The following KRT27 variants were observed in gnomAD, a reference collection of about 807,000 sequenced individuals.
KRT27 encodes the protein keratin 27.
A neutral mutation model predicts 45.3 loss-of-function variants in KRT27; 30 were observed. The observed-to-expected ratio is 0.66, with a 90% CI of 0.50 to 0.90. The LOEUF (loss-of-function observed/expected upper bound fraction) is 0.90. Ranked by LOEUF, KRT27 falls within the 40% of genes least tolerant of loss-of-function variation. The pLI, the probability that KRT27 is intolerant of heterozygous loss-of-function variation, is 0.00. For synonymous variants in KRT27, 204 were observed against 223.9 expected (o/e 0.91, Z 0.79); for missense variants, 610 against 564.3 (o/e 1.08, Z -0.82).
At position 40,780,395 on chromosome 17, in the gene KRT27, C is replaced by A. The variant is rs759558400; in HGVS notation, c.589G>T (p.Val197Phe). 3.7e-6 allele frequency: 6 copies of A among 1,613,914 alleles called. No homozygotes were observed. The Admixed American group carries it at 1.0e-4, about 27-fold the overall frequency. The change falls in exon 3 of 8, where the codon GTC becomes TTC. Residue 197 changes from valine to phenylalanine, a missense_variant. Val to Phe is a conservative substitution (Grantham distance 50). Coordinates refer to ENST00000301656, the MANE Select transcript of KRT27 (RefSeq NM_181537.4). ...CTGCACAAGGTCAGCTCATCCAGGA[C>A]TCTTCGCAAACCATTGATGTCCGCC... ...VEADINGLRRVLDELTLCRTD... is the reference protein window; with the variant it reads ...VEADINGLRRFLDELTLCRTD...
At position 40,782,429 on chromosome 17, in the gene KRT27, CT is replaced by C; in HGVS notation, c.64del (p.Arg22GlyfsTer65). ...AAAGCCTGCTCCCCCACTAGAGAGC[CT>C]CACAGAGCCAGTGCCCCCGCAAGAG... ...LGSCGGTGSV[R>X]LSSGGAGFGA... On this transcript the variant is annotated frameshift_variant, in exon 1 of 8. Transcript: ENST00000301656. LOFTEE classifies it high-confidence loss of function. 6.2e-7 allele frequency: 1 copy of C among 1,611,198 alleles called. No homozygotes were observed. Among genetic ancestry groups the C allele is most frequent in the Non-Finnish European group, 8.5e-7 (1 of 1,178,658 alleles).
rs779267418 is a variant in KRT27 at position 40,779,790 on chromosome 17, G to A, written c.756C>T (p.Asp252=). The A allele has an allele frequency of 6.2e-7, 1 of 1,614,264 alleles. No homozygotes were observed. Among genetic ancestry groups the A allele is most frequent in the South Asian group, 1.1e-5 (1 of 91,084 alleles). ...GCATATTGTTCAGCAGAACCGTGAG[G>A]TCTACCCCGGGGGCCGCGTTCATCT... ...NVEMNAAPGV[D]LTVLLNNMRA... is the part of the protein sequence containing the mutation. The change falls in exon 4 of 8, where the codon GAC becomes GAT. Residue 252 remains aspartate, a synonymous_variant. Transcript: ENST00000301656.
rs758899487 is a variant in KRT27, at chr17:40,777,762, A to T, written c.973-30T>A. 6 of 1,606,302 alleles carry T rather than the reference A, an allele frequency of 3.7e-6. No individual in the cohort carries two copies. The African/African-American group carries it at 6.7e-5, about 18-fold the overall frequency. ...AGTTTGGTAAGACATGGTTTAATAG[A>T]AAAGGTCACGGTGTTTTAGAATAAG... is the stretch of plus-strand genomic sequence containing the variant. On this transcript the variant is annotated intron_variant, in intron 5 of 7. Coordinates refer to ENST00000301656, the MANE Select transcript of KRT27 (RefSeq NM_181537.4).
chr17:40,781,167 T>C (rs1446292558), intron 2 of KRT27, 21 bp downstream of exon 2: 1 of 1,539,516 alleles, frequency 6.5e-7, no homozygotes, highest in Non-Finnish European at 8.9e-7. Flanking sequence ...TTTTTTCCCA[T>C]TTATCTTCAG....
chr17:40,778,568 G>A (rs1454970979), intron 5 of KRT27, among the ~76,000 whole-genome samples: 2 of 152,252 alleles, frequency 1.3e-5, no homozygotes, highest in African/African-American at 2.4e-5. Flanking sequence ...ATAATGACAT[G>A]AGTTATAACG....
Position 40,782,167 on chromosome 17 carries a change from G to A in KRT27, c.327C>T (p.Asn109=), listed in dbSNP as rs370850502. Residue 109 remains asparagine, a synonymous_variant, in exon 1 of 8, where the codon AAC becomes AAT. Transcript: ENST00000301656. ...CCTTGATCTTCTGCTCCAAGTCAGC[G>A]TTGGCCTCCTCTAGGGCTCGAACAT... ...LENVRALEEA[N]ADLEQKIKGW... The A allele has an allele frequency of 2.1e-5, 34 of 1,614,052 alleles. No homozygotes were observed. Among genetic ancestry groups the A allele is most frequent in the African/African-American group, 4.0e-5 (3 of 74,926 alleles).
At position 40,779,572 on chromosome 17, in the gene KRT27, C is replaced by G. The variant is rs768406219; in HGVS notation, c.902G>C (p.Arg301Pro). Reference protein sequence around the residue: ...SDDAGATTSARNELIEMKRTL... With the variant: ...SDDAGATTSAPNELIEMKRTL... ...GCGTTTCATCTCGATAAGCTCATTC[C>G]GGGCTGAGGTGGTGGCGCCAGCGTC... The change falls in exon 5 of 8, where the codon CGG (arginine) becomes CCG (proline). Residue 301 changes from arginine to proline, a missense_variant. Physicochemically the swap from Arg to Pro is moderately radical, Grantham distance 103 (BLOSUM62 -2). Transcript: ENST00000301656. 17 of 1,614,220 alleles carry G rather than the reference C, an allele frequency of 1.1e-5. No homozygotes were observed. Among genetic ancestry groups the G allele is most frequent in the Non-Finnish European group, 1.4e-5 (16 of 1,180,030 alleles).
rs928363366 is a variant in KRT27, at chr17:40,780,157, C to T, written c.684+143G>A. The T allele has an allele frequency of 4.5e-5, 40 of 894,034 alleles. No homozygotes were observed. In the African/African-American group the frequency reaches 6.0e-4, roughly 14 times the overall value. 55.4% of individuals were successfully genotyped at this position (894,034 alleles called of 1,614,324 possible). On this transcript the variant is annotated intron_variant, in intron 3 of 7. Coordinates refer to ENST00000301656, the MANE Select transcript of KRT27 (RefSeq NM_181537.4). ...TTCTTTTGAGAAGAATGAATAGAAG[C>T]GTCTCAAACAATCTAAGCCTTATGG...
At position 40,780,454 on chromosome 17, in the gene KRT27, A is replaced by T; in HGVS notation, c.530T>A (p.Phe177Tyr). The T allele has an allele frequency of 6.2e-7, 1 of 1,612,694 alleles. No individual in the cohort carries two copies. Residue 177 changes from phenylalanine to tyrosine, a missense_variant and splice_region_variant, in exon 3 of 8, where the codon TTT becomes TAT. Coordinates refer to ENST00000301656, the MANE Select transcript of KRT27 (RefSeq NM_181537.4). ...CTGGTGAAGCGCTAGCTCGTTTTCA[A>T]ACCTTAGAAAAGTATTTGGAAGTTT... is the stretch of plus-strand genomic sequence containing the variant. ...RLTADDFRLK[F>Y]ENELALHQSV...
chr17:40,779,276 G>A (rs1200394294), intron 5 of KRT27, among the ~76,000 whole-genome samples: 1 of 152,030 alleles, frequency 6.6e-6, no homozygotes, highest in African/African-American at 2.4e-5. Flanking sequence ...TCTTTTTCCA[G>A]TATCTTGACT....
intron 2 of KRT27, among the ~76,000 whole-genome samples, chr17:40,780,781 G>A (rs2038304955): frequency 6.6e-6 from 1 of 152,124 alleles, no homozygotes; most frequent in African/African-American, 2.4e-5. Flanking sequence ...CCTAGGAGGC[G>A]GAGCTTGCAG....
rs1353243808 is a variant in KRT27 at position 40,782,499 on chromosome 17, C to T, written c.-6G>A. 6.5e-7 allele frequency: 1 copy of T among 1,536,012 alleles called. No homozygotes were observed. Among genetic ancestry groups the T allele is most frequent in the Non-Finnish European group, 8.8e-7 (1 of 1,141,068 alleles). ...GAAGAAAAGCGCACAGACATGGTGT[C>T]CGGAGGCTGGAGCCTTTGTTTCTGC... On this transcript the variant is annotated 5_prime_UTR_variant, in exon 1 of 8. Coordinates refer to ENST00000301656, the MANE Select transcript of KRT27 (RefSeq NM_181537.4).
rs372317384 is a variant in KRT27, at chr17:40,780,455, A to G, written c.529T>C (p.Phe177Leu). The G allele has an allele frequency of 4.7e-5, 76 of 1,612,464 alleles. No individual in the cohort carries two copies. The highest frequency in any genetic ancestry group is 5.8e-5 in the Non-Finnish European group (68 of 1,179,576). The change falls in exon 3 of 8, where the codon TTT becomes CTT. Residue 177 changes from phenylalanine to leucine, a missense_variant and splice_region_variant. Coordinates refer to ENST00000301656, the MANE Select transcript of KRT27 (RefSeq NM_181537.4). ...RLTADDFRLKFENELALHQSV... is the reference protein window; with the variant it reads ...RLTADDFRLKLENELALHQSV... ...TGGTGAAGCGCTAGCTCGTTTTCAA[A>G]CCTTAGAAAAGTATTTGGAAGTTTC...
rs187951128 is a variant in KRT27 at position 40,780,266 on chromosome 17, G to C, written c.684+34C>G. 316 of 1,561,066 alleles carry C rather than the reference G, an allele frequency of 2.0e-4. No homozygotes were observed. In the African/African-American group the frequency reaches 4.0e-3, roughly 20 times the overall value. ...ATTAGTTTTAAAATTTGGTAGGGAG[G>C]CGATTGTGAGAGCCAGCCGGGTGGA... On this transcript the variant is annotated intron_variant, in intron 3 of 7. Coordinates refer to ENST00000301656, the MANE Select transcript of KRT27 (RefSeq NM_181537.4).
rs766134832 is a variant in KRT27, at chr17:40,777,598, G to C, written c.1107C>G (p.Leu369=). The part of the protein sequence containing the change: ...QVRTETEGQK[L]EYEQLLDIKV... Reference sequence around the variant, plus strand: ...TGATGTCAAGGAGCTGCTCATACTCGAGCTTCTGGCCCTCGGTCTCGGTTC... The same window carrying C: ...TGATGTCAAGGAGCTGCTCATACTCCAGCTTCTGGCCCTCGGTCTCGGTTC... Residue 369 remains leucine, a synonymous_variant, in exon 6 of 8, where the codon CTC becomes CTG. Transcript: ENST00000301656. 5.0e-6 allele frequency: 8 copies of C among 1,613,924 alleles called. No homozygotes were observed. In the South Asian group the frequency reaches 6.6e-5, roughly 13 times the overall value.
chr17:40,777,506 A>C lies in KRT27; in HGVS notation c.1190+9T>G, dbSNP rs1305648788. 1.2e-6 allele frequency: 2 copies of C among 1,613,562 alleles called. No individual in the cohort carries two copies. The highest frequency in any genetic ancestry group is 2.2e-5 in the South Asian group (2 of 91,062). The stretch of plus-strand genomic sequence containing the variant: ...AATGAATTGTTTTCTCAATGGCGGC[A>C]ATACTGACCCATCTTCTCCATCTAT... On this transcript the variant is annotated intron_variant, in intron 6 of 7. Coordinates refer to ENST00000301656, the MANE Select transcript of KRT27 (RefSeq NM_181537.4).
At chr17:40,777,223 C>A (rs755988922) in intron 7 of KRT27, 30 bp downstream of exon 7, 10 of 1,612,884 alleles carry the variant, frequency 6.2e-6, no homozygotes, top group Non-Finnish European at 8.5e-6. Flanking sequence ...TACAAATAAA[C>A]ACTGAATGCC....
chr17:40,780,521 T>G, intron 2 of KRT27, 65 bp from the exon 3 acceptor site: 2 of 1,422,714 alleles, frequency 1.4e-6, no homozygotes, highest in South Asian at 2.4e-5. Flanking sequence ...TTTTAGATCA[T>G]CATACAACTC....
intron 4 of KRT27, 30 bp from the exon 5 acceptor site, chr17:40,779,657 T>TG (rs757128642): frequency 6.2e-7 from 1 of 1,613,664 alleles, no homozygotes; most frequent in Non-Finnish European, 8.5e-7. Context: ...GTTAGGGCGC[T>TG]GGGGCTGAGT....
Sources: allele counts gnomAD v4.1 joint callset (sites outside exome capture counted in the v4.1 genomes callset), GRCh38; gene constraint gnomAD v4.1.1; transcripts MANE v1.5; gene names NCBI Gene and HGNC (gene_info 2026-07-23, HGNC 2026-07-21).